The following RPN1 variants were observed in gnomAD, a reference collection of about 807,000 sequenced individuals.
RPN1 encodes the protein dolichyl-diphosphooligosaccharide--protein glycosyltransferase subunit 1.
Under a neutral mutation model 55.5 loss-of-function variants are expected in RPN1, and 12 were observed. The ratio of observed to expected loss-of-function variants is 0.22; its 90% CI spans 0.14 to 0.35. RPN1 has a LOEUF of 0.35. RPN1 is among the 10% of genes least tolerant of loss of function. RPN1 has a pLI of 1.00. For missense variants in RPN1, 679 were observed against 761.3 expected (o/e 0.89, Z 1.27); for synonymous variants, 317 against 305.9 (o/e 1.04, Z -0.38).
intron 1 of RPN1, among the ~76,000 whole-genome samples, chr3:128,649,106 C>T (rs2069792880): frequency 2.0e-5 from 3 of 152,164 alleles, no homozygotes; most frequent in Admixed American, 6.5e-5. Context: ...CAAAAGGAAA[C>T]TTCTGGAGGT....
At chr3:128,633,429 T>C (rs1038207238) in intron 3 of RPN1, among the ~76,000 whole-genome samples, 2 of 151,854 alleles carry the variant, frequency 1.3e-5, no homozygotes, top group Admixed American at 1.3e-4. Flanking sequence ...AATTTCACCA[T>C]GTTCCCCAAG....
chr3:128,624,913 G>C (rs982434066), intron 8 of RPN1, among the ~76,000 whole-genome samples: 9 of 152,134 alleles, frequency 5.9e-5, no homozygotes, highest in African/African-American at 1.4e-4. Flanking sequence ...CCTCCACCAG[G>C]CCTCACCCAC....
intron 5 of RPN1, among the ~76,000 whole-genome samples, chr3:128,629,414 T>C (rs1049407025): frequency 1.3e-5 from 2 of 151,918 alleles, no homozygotes; most frequent in African/African-American, 4.8e-5. Context: ...TACAAAAAAT[T>C]AGCTGAGCGT....
At chr3:128,649,872 A>C (rs905044970) in intron 1 of RPN1, among the ~76,000 whole-genome samples, 1 of 152,200 alleles carries the variant, frequency 6.6e-6, no homozygotes, top group Non-Finnish European at 1.5e-5. Flanking sequence ...CTAACTTTAA[A>C]AAGAGTTTTA....
intron 1 of RPN1, among the ~76,000 whole-genome samples, chr3:128,647,552 C>T (rs557721172): frequency 3.3e-5 from 5 of 151,858 alleles, no homozygotes; most frequent in African/African-American, 1.2e-4. Context: ...ATTAGCCAGG[C>T]GTAGTGGTGC....
At chr3:128,630,586 TATAA>T (rs1218462980) in intron 4 of RPN1, among the ~76,000 whole-genome samples, 1 of 152,132 alleles carries the variant, frequency 6.6e-6, no homozygotes, top group Non-Finnish European at 1.5e-5. Context: ...GGGAGGAAGG[TATAA>T]TACCTTTGTT....
rs757831519 is a variant in RPN1 at position 128,638,022 on chromosome 3, T to C, written c.410A>G (p.His137Arg). Reference protein sequence around the residue: ...ISVIVETVYTHVLHPYPTQIT... With the variant: ...ISVIVETVYTRVLHPYPTQIT... Reference sequence around the variant, plus strand: ...CTGGGTTGGATACGGATGAAGCACATGGGTGTAGACTGTTTCCACAATGAC... The same window carrying C: ...CTGGGTTGGATACGGATGAAGCACACGGGTGTAGACTGTTTCCACAATGAC... Residue 137 changes from histidine (H) to arginine (R), a missense_variant, in exon 3 of 10, where the codon CAT (histidine) becomes CGT (arginine). Coordinates refer to ENST00000296255, the MANE Select transcript of RPN1 (RefSeq NM_002950.4). The C allele has an allele frequency of 3.2e-5, 51 of 1,613,940 alleles. 1 individual carries two copies. Among genetic ancestry groups the C allele is most frequent in the South Asian group, 1.6e-4 (15 of 91,080 alleles).
At chr3:128,636,010 G>C (rs2069679484) in intron 3 of RPN1, among the ~76,000 whole-genome samples, 1 of 151,490 alleles carries the variant, frequency 6.6e-6, no homozygotes, top group Admixed American at 6.6e-5. Context: ...CATATAACTT[G>C]TTATATGATT....
At chr3:128,650,396 T>C (rs2069808244) in intron 1 of RPN1, 144 bp downstream of exon 1, 3 of 795,934 alleles carry the variant, frequency 3.8e-6, no homozygotes, top group Non-Finnish European at 5.5e-6. Flanking sequence ...CCCGAGGCAA[T>C]CCCACGGACC....
intron 2 of RPN1, 178 bp downstream of exon 2, chr3:128,644,741 T>A: frequency 1.5e-6 from 1 of 647,440 alleles, no homozygotes; most frequent in Non-Finnish European, 2.8e-6. Flanking sequence ...GAAGGATGGC[T>A]TGAGCTCAGG....
intron 4 of RPN1, 32 bp from the exon 5 acceptor site, chr3:128,630,175 TCCA>T: frequency 1.3e-6 from 2 of 1,491,522 alleles, no homozygotes; most frequent in Non-Finnish European, 1.9e-6. Flanking sequence ...CTTCTAAAAC[TCCA>T]GGAACCAGCT....
At position 128,625,878 on chromosome 3, in the gene RPN1, A is replaced by G. The variant is rs749315908; in HGVS notation, c.1271T>C (p.Ile424Thr). The change falls in exon 7 of 10, where the codon ATT (isoleucine) becomes ACT (threonine). Residue 424 changes from isoleucine (I) to threonine (T), a missense_variant. Ile to Thr is a moderately conservative substitution (Grantham distance 89). Around this residue, in one of 3 missense-constraint regions of RPN1, gnomAD observed 306 missense variants for 360.0 expected, o/e 0.85. Coordinates refer to ENST00000296255, the MANE Select transcript of RPN1 (RefSeq NM_002950.4). ...GCAAACAGTGGAGCCACTCACCACA[A>G]TGTCCTGAATGTGCTGTTCTACCAG... ...KNLVEQHIQD[I>T]VVHYTFNKVL... 10 of 1,610,048 alleles carry G rather than the reference A, an allele frequency of 6.2e-6. No individual in the cohort carries two copies. The African/African-American group carries it at 6.7e-5, about 11-fold the overall frequency.
At chr3:128,630,565 A>G (rs922175854) in intron 4 of RPN1, among the ~76,000 whole-genome samples, 6 of 152,172 alleles carry the variant, frequency 3.9e-5, no homozygotes, top group Admixed American at 2.0e-4. Context: ...CTGTCAGTGT[A>G]TTTTGATCAT....
chr3:128,627,453 A>ACGG (rs2069607610), intron 5 of RPN1, among the ~76,000 whole-genome samples: 3 of 152,200 alleles, frequency 2.0e-5, no homozygotes, highest in African/African-American at 7.2e-5. Context: ...AGCCACTCTA[A>ACGG]ACCATCCCTC....
rs987233179 is a variant in RPN1, at chr3:128,650,738, C to T, written c.63G>A (p.Pro21=). 8.4e-6 allele frequency: 13 copies of T among 1,550,656 alleles called. No individual in the cohort carries two copies. The East Asian group carries it at 2.9e-4, about 35-fold the overall frequency. Residue 21 remains proline, a synonymous_variant, in exon 1 of 10, where the codon CCG becomes CCA. Coordinates refer to ENST00000296255, the MANE Select transcript of RPN1 (RefSeq NM_002950.4). ...GCGGTGCCTCGGAGGAGGCGCTGCCCGGCGCCGGGGCCCAAGTCCCAAGCA... is the reference window on the plus strand; with the variant it reads ...GCGGTGCCTCGGAGGAGGCGCTGCCTGGCGCCGGGGCCCAAGTCCCAAGCA... The part of the protein sequence containing the change: ...LLLLGTWAPA[P]GSASSEAPPL...
At chr3:128,631,619 G>A (rs1304181075) in intron 4 of RPN1, among the ~76,000 whole-genome samples, 1 of 152,166 alleles carries the variant, frequency 6.6e-6, no homozygotes, top group Non-Finnish European at 1.5e-5. Context: ...GTGCATGCGT[G>A]TAATCCCAGC....
intron 4 of RPN1, among the ~76,000 whole-genome samples, chr3:128,631,232 G>C (rs1055797409): frequency 2.0e-5 from 3 of 152,170 alleles, no homozygotes; most frequent in Non-Finnish European, 4.4e-5. Context: ...CCAGCACTTT[G>C]GGAGGCCGAA....
Position 128,650,591 on chromosome 3 carries a change from C to T in RPN1, c.210G>A (p.Leu70=). The T allele has an allele frequency of 6.5e-7, 1 of 1,549,232 alleles. No individual in the cohort carries two copies. The highest frequency in any genetic ancestry group is 8.7e-7 in the Non-Finnish European group (1 of 1,146,664). The change falls in exon 1 of 10, where the codon CTG becomes CTA. Residue 70 remains leucine, a synonymous_variant. Coordinates refer to ENST00000296255, the MANE Select transcript of RPN1 (RefSeq NM_002950.4). ...GGSTSRATSF[L]LALEPELEAR... ...CCTCGAGCTCAGGCTCCAAAGCCAG[C>T]AGGAAAGAGGTAGCTCGGGACGTGG...
intron 8 of RPN1, 123 bp downstream of exon 8, chr3:128,625,411 G>A (rs2069590932): frequency 1.4e-6 from 2 of 1,456,482 alleles, no homozygotes; most frequent in Non-Finnish European, 1.9e-6. Context: ...GCAAGGATGA[G>A]CACAGGCAGG....
Sources: allele counts gnomAD v4.1 joint callset (sites outside exome capture counted in the v4.1 genomes callset), GRCh38; gene constraint gnomAD v4.1.1; regional missense constraint gnomAD v4.1.1; transcripts MANE v1.5; gene names NCBI Gene and HGNC (gene_info 2026-07-23, HGNC 2026-07-21).